SNRNP48: variants seen among roughly 807,000 people sequenced by gnomAD.
SNRNP48 encodes U11/U12 small nuclear ribonucleoprotein 48 kDa protein.
A neutral mutation model predicts 47.0 loss-of-function variants in SNRNP48; 43 were observed. The observed-to-expected ratio is 0.92, with a 90% CI of 0.72 to 1.18. SNRNP48 has a LOEUF of 1.18. Among genes scored for constraint, SNRNP48 ranks in the 50% most tolerant of loss-of-function variants. SNRNP48 has a pLI of 0.00. For missense variants in SNRNP48, 396 were observed against 422.2 expected (o/e 0.94, Z 0.54); for synonymous variants, 138 against 144.0 (o/e 0.96, Z 0.30).
At chr6:7,594,246 A>G (rs1012968383) in intron 3 of SNRNP48, 87 bp downstream of exon 3, 15 of 608,688 alleles carry the variant, frequency 2.5e-5, no homozygotes, top group Middle Eastern at 4.7e-4. Context: ...TGGATTGTAT[A>G]AGCATGCTTA....
At chr6:7,605,115 T>TA (rs1760101518) in intron 6 of SNRNP48, among the ~76,000 whole-genome samples, 1 of 152,224 alleles carries the variant, frequency 6.6e-6, no homozygotes, top group Non-Finnish European at 1.5e-5. Context: ...CATAACCCTT[T>TA]ATCCCCAGTA....
chr6:7,593,917 G>A lies in SNRNP48; in HGVS notation c.270+70G>A, dbSNP rs1759861303. 10 of 1,257,298 alleles carry A rather than the reference G, an allele frequency of 8.0e-6. No individual in the cohort carries two copies. The South Asian group carries it at 1.4e-4, about 17-fold the overall frequency. The allele number at this position is 1,257,298 out of a possible 1,614,324, so 77.9% of individuals were successfully genotyped here. On this transcript the variant is annotated intron_variant, in intron 2 of 8. Transcript: ENST00000342415. ...TTTACACATTAATTCACAATTTTTG[G>A]AAGTTACAATGTGAGGTTCACTGAC... is the stretch of plus-strand genomic sequence containing the variant.
intron 4 of SNRNP48, among the ~76,000 whole-genome samples, chr6:7,595,629 T>C (rs1303752452): frequency 2.0e-5 from 3 of 152,210 alleles, no homozygotes; most frequent in Admixed American, 1.3e-4. Flanking sequence ...TGAGTGAGGC[T>C]CTTTTACTCT....
chr6:7,608,149 T>C (rs1760166721), intron 8 of SNRNP48, among the ~76,000 whole-genome samples: 1 of 152,096 alleles, frequency 6.6e-6, no homozygotes. Context: ...AACCCTGGGG[T>C]GGACTGAATT....
chr6:7,597,500 A>G (rs1349435307), intron 4 of SNRNP48, among the ~76,000 whole-genome samples: 2 of 152,314 alleles, frequency 1.3e-5, no homozygotes, highest in South Asian at 2.1e-4. Context: ...TTGTTTCCTT[A>G]TCTGTAATAC....
rs1760234488 is a variant in SNRNP48 at position 7,611,508 on chromosome 6, A to G, written c.*2635A>G. ...GATATTGGCAAGTCAACTGCCATGC[A>G]GAGCCCAGGGCACTGGTTATATTCA... On this transcript the variant is annotated 3_prime_UTR_variant, in exon 9 of 9. Transcript: ENST00000342415. 6.6e-6 allele frequency: 1 copy of G among 152,212 alleles called. No homozygotes were observed. Among genetic ancestry groups the G allele is most frequent in the Non-Finnish European group, 1.5e-5 (1 of 68,042 alleles). The allele number at this position is 152,212 out of a possible 1,614,324, so 9.4% of individuals were successfully genotyped here.
chr6:7,590,321 G>A lies in SNRNP48; in HGVS notation c.64G>A (p.Val22Met), dbSNP rs935722576. ...RRLQEELNEF[V>M]ESGCRTLEEV... is the part of the protein sequence containing the mutation. ...GCTGCAGGAGGAGCTGAACGAGTTC[G>A]TGGAGAGCGGCTGCCGGACGTTGGA... Residue 22 changes from valine to methionine, a missense_variant, in exon 1 of 9, where the codon GTG (valine) becomes ATG (methionine). Transcript: ENST00000342415. 17 of 1,408,992 alleles carry A rather than the reference G, an allele frequency of 1.2e-5. No individual in the cohort carries two copies. Among genetic ancestry groups the A allele is most frequent in the Non-Finnish European group, 1.5e-5 (16 of 1,067,288 alleles). The allele number at this position is 1,408,992 out of a possible 1,614,324, so 87.3% of individuals were successfully genotyped here.
At chr6:7,591,825 A>G (rs746159532) in intron 1 of SNRNP48, among the ~76,000 whole-genome samples, 1 of 152,244 alleles carries the variant, frequency 6.6e-6, no homozygotes, top group African/African-American at 2.4e-5. Flanking sequence ...AGTAAATGGC[A>G]GTTAGGATTT....
intron 6 of SNRNP48, among the ~76,000 whole-genome samples, chr6:7,603,982 G>A (rs1213691266): frequency 2.6e-5 from 4 of 152,216 alleles, no homozygotes; most frequent in African/African-American, 9.6e-5. Flanking sequence ...TCTAAGGAAT[G>A]TACCCATCAC....
Position 7,609,530 on chromosome 6 carries a change from A to G in SNRNP48, c.*657A>G, listed in dbSNP as rs1382153544. 2.0e-5 allele frequency: 3 copies of G among 152,196 alleles called. No homozygotes were observed. The highest frequency in any genetic ancestry group is 2.9e-5 in the Non-Finnish European group (2 of 68,034). 9.4% of individuals were successfully genotyped at this position (152,196 alleles called of 1,614,324 possible). A position where few individuals can be genotyped will look rare whatever the true frequency, so the allele number is the denominator to read the frequency against. On this transcript the variant is annotated 3_prime_UTR_variant, in exon 9 of 9. Transcript: ENST00000342415. Reference sequence around the variant, plus strand: ...TACAAAACAATACTATGCATTCTCTATGGCTATATAATGTACGTAAATCTA... The same window carrying G: ...TACAAAACAATACTATGCATTCTCTGTGGCTATATAATGTACGTAAATCTA...
intron 5 of SNRNP48, among the ~76,000 whole-genome samples, chr6:7,602,373 T>A (rs1760040999): frequency 6.6e-6 from 1 of 152,200 alleles, no homozygotes. Flanking sequence ...ACCTTCTTTC[T>A]GTGAAAATAT....
At chr6:7,593,658 A>G (rs1759854965) in intron 1 of SNRNP48, 76 bp from the exon 2 acceptor site, 1 of 941,214 alleles carries the variant, frequency 1.1e-6, no homozygotes. Context: ...ACATAATTAA[A>G]TGGTAAACAT....
intron 4 of SNRNP48, chr6:7,600,003 G>T: frequency 1.0e-6 from 1 of 999,468 alleles, no homozygotes. Flanking sequence ...TCTAATCTGT[G>T]TTTTCCTCCC....
chr6:7,608,755 A>AAG (rs6149409), intron 8 of SNRNP48, 70 bp from the exon 9 acceptor site: 82 of 904,022 alleles, frequency 9.1e-5, no homozygotes, highest in Non-Finnish European at 1.3e-4. Flanking sequence ...TTACTGTTGA[A>AAG]TTATTTTAAA....
chr6:7,601,053 C>A, intron 4 of SNRNP48: 1 of 233,870 alleles, frequency 4.3e-6, no homozygotes, highest in Non-Finnish European at 8.2e-6. Context: ...AGCAAATTGT[C>A]TCTTATGATT....
At chr6:7,599,872 A>G (rs1159902731) in intron 4 of SNRNP48, 7 of 1,028,234 alleles carry the variant, frequency 6.8e-6, no homozygotes, top group Non-Finnish European at 8.4e-6. Context: ...CATCATAAAG[A>G]AATTTAAGAT....
At chr6:7,602,480 A>G in intron 5 of SNRNP48, 143 bp from the exon 6 acceptor site, 2 of 614,484 alleles carry the variant, frequency 3.3e-6, no homozygotes, top group Non-Finnish European at 5.0e-6. Flanking sequence ...GCCCGTGTAT[A>G]TAAATAATAT....
intron 4 of SNRNP48, chr6:7,599,679 G>A: frequency 2.3e-6 from 3 of 1,280,944 alleles, no homozygotes; most frequent in Non-Finnish European, 3.0e-6. Flanking sequence ...TCAGTAATTG[G>A]GGTGAGTATA....
In SNRNP48 at chr6:7,590,255, G is replaced by C; in HGVS notation, c.-3G>C. ...GCTTCCTCTTGGCGGGTGGGCTGCA[G>C]CTATGGAGGGCGAGCCTCCACCTGT... On this transcript the variant is annotated 5_prime_UTR_variant, in exon 1 of 9. Coordinates refer to ENST00000342415, the MANE Select transcript of SNRNP48 (RefSeq NM_152551.4). 6.0e-6 allele frequency: 8 copies of C among 1,325,954 alleles called. No individual in the cohort carries two copies. Among genetic ancestry groups the C allele is most frequent in the Non-Finnish European group, 7.8e-6 (8 of 1,029,142 alleles). 82.1% of individuals were successfully genotyped at this position (1,325,954 alleles called of 1,614,324 possible).
Sources: allele counts gnomAD v4.1 joint callset (sites outside exome capture counted in the v4.1 genomes callset), GRCh38; gene constraint gnomAD v4.1.1; transcripts MANE v1.5; gene names NCBI Gene and HGNC (gene_info 2026-07-23, HGNC 2026-07-21).